The following MAPK12 variants were observed in gnomAD, a reference collection of about 807,000 sequenced individuals.
MAPK12 encodes MAP kinase 12.
Under a neutral mutation model 49.1 loss-of-function variants are expected in MAPK12, and 49 were observed. That is an observed-to-expected ratio of 1.00 (90% CI 0.79 to 1.27). The LOEUF is 1.27. Ranked by LOEUF, MAPK12 falls within the 50% of genes most tolerant of loss-of-function variation. The pLI is 0.00. For synonymous variants in MAPK12, 251 were observed against 209.7 expected, an observed-to-expected ratio of 1.20 and a Z score of -1.70; for missense variants, 554 against 502.4, an observed-to-expected ratio of 1.10 and a Z score of -0.98.
rs776533262 is a variant in MAPK12 at position 50,257,072 on chromosome 22, G to A, written c.426+10C>T. ...GCCTGCCTCCCTGCAGCCTCCCCCG[G>A]GGCCCGTACCCTCAGCCCCTTCAGC... On this transcript the variant is annotated intron_variant, in intron 4 of 11. Coordinates refer to ENST00000215659, the MANE Select transcript of MAPK12 (RefSeq NM_002969.6). 53 of 1,611,276 alleles carry A rather than the reference G, an allele frequency of 3.3e-5. No homozygotes were observed. The highest frequency in any genetic ancestry group is 4.3e-5 in the Non-Finnish European group (51 of 1,179,276).
At chr22:50,257,932 A>T (rs751745428) in intron 3 of MAPK12, 1 of 773,810 alleles carries the variant, frequency 1.3e-6, no homozygotes, top group South Asian at 1.4e-5. Flanking sequence ...CAGGGTCCCG[A>T]GCACGGGACC....
At chr22:50,258,097 C>G (rs2147259717) in intron 3 of MAPK12, 146 bp downstream of exon 3, 1 of 766,686 alleles carries the variant, frequency 1.3e-6, no homozygotes, top group Non-Finnish European at 2.3e-6. Flanking sequence ...GTGGGGTGGA[C>G]AGTGGTATGG....
At chr22:50,258,138 C>G (rs1401701256) in intron 3 of MAPK12, 105 bp downstream of exon 3, 2 of 1,061,076 alleles carry the variant, frequency 1.9e-6, no homozygotes, top group Non-Finnish European at 3.0e-6. Context: ...ATCCCCCACT[C>G]AGGCTGCAGG....
At chr22:50,258,489 G>A (rs1298708329) in intron 2 of MAPK12, among the ~76,000 whole-genome samples, 188 bp from the exon 3 acceptor site, 2 of 152,206 alleles carry the variant, frequency 1.3e-5, no homozygotes, top group East Asian at 3.8e-4. Flanking sequence ...CACTGGCAGT[G>A]TGGCCCAGCC....
chr22:50,254,626 T>C, intron 11 of MAPK12: 1 of 999,772 alleles, frequency 1.0e-6, no homozygotes. Flanking sequence ...CCCTCCAGCC[T>C]GGGCATCAGA....
chr22:50,260,619 G>A (rs1389993522), intron 2 of MAPK12, among the ~76,000 whole-genome samples: 1 of 152,174 alleles, frequency 6.6e-6, no homozygotes, highest in South Asian at 2.1e-4. Context: ...TCAAACAGCA[G>A]CTCCCTAAAC....
In MAPK12 at chr22:50,258,284, G is replaced by A. The variant is rs750170817; in HGVS notation, c.273C>T (p.Asp91=). 2.0e-5 allele frequency: 32 copies of A among 1,612,936 alleles called. No individual in the cohort carries two copies. The highest frequency in any genetic ancestry group is 1.6e-4 in the East Asian group (7 of 44,896). Residue 91 remains aspartate (D), a synonymous_variant, in exon 3 of 12, where the codon GAC becomes GAT. Transcript: ENST00000215659. ...CCAGGGTCTCATCAGGAGTGAATAC[G>A]TCCAGCAGCCCGATCACCTGGGGGG... ...MRHENVIGLL[D]VFTPDETLDD...
rs745760808 is a variant in MAPK12, at chr22:50,255,736, G to GGGCCCCCAC, written c.692-51_692-43dup. 28 of 1,608,766 alleles carry GGGCCCCCAC rather than the reference G, an allele frequency of 1.7e-5. No homozygotes were observed. The South Asian group carries it at 2.5e-4, about 15-fold the overall frequency. ...AACACAGCTCGGGGGCCAGAGATCA[G>GGGCCCCCAC]GGCCCCCACTGCCCCCACCTGGGCA... On this transcript the variant is annotated intron_variant, in intron 8 of 11. Coordinates refer to ENST00000215659, the MANE Select transcript of MAPK12 (RefSeq NM_002969.6).
rs754871509 is a variant in MAPK12 at position 50,257,190 on chromosome 22, G to A, written c.318C>T (p.Tyr106=). 5 of 1,611,700 alleles carry A rather than the reference G, an allele frequency of 3.1e-6. No homozygotes were observed. In the East Asian group the frequency reaches 8.9e-5, roughly 29 times the overall value. Residue 106 remains tyrosine, a synonymous_variant, in exon 4 of 12, where the codon TAC becomes TAT. Coordinates refer to ENST00000215659, the MANE Select transcript of MAPK12 (RefSeq NM_002969.6). ...DETLDDFTDF[Y]LVMPFMGTDL... is the part of the protein sequence containing the mutation. ...CGGTGCCCATGAACGGCATCACCAG[G>A]TAACTGTGGGAGGGGCCGGAGCGCT...
chr22:50,258,913 A>G (rs910829825), intron 2 of MAPK12, among the ~76,000 whole-genome samples: 3 of 152,218 alleles, frequency 2.0e-5, no homozygotes, highest in African/African-American at 7.2e-5. Flanking sequence ...GGGCACACAC[A>G]GAGTGGCCGA....
rs760278888 is a variant in MAPK12 at position 50,255,340 on chromosome 22, A to G, written c.881T>C (p.Leu294Pro). Residue 294 changes from leucine (L) to proline (P), a missense_variant, in exon 11 of 12, where the codon CTG becomes CCG. Physicochemically the swap from Leu to Pro is moderately conservative, Grantham distance 98. Coordinates refer to ENST00000215659, the MANE Select transcript of MAPK12 (RefSeq NM_002969.6). The stretch of plus-strand genomic sequence containing the variant: ...TGCCGTCACCCGCTGCTCCGCGTCC[A>G]GCACCAGCATCTTCTCCAGGAGGTT... ...AVNLLEKMLVLDAEQRVTAGE... is the reference protein window; with the variant it reads ...AVNLLEKMLVPDAEQRVTAGE... 1 of 1,613,496 alleles carries G rather than the reference A, an allele frequency of 6.2e-7. No homozygotes were observed. The highest frequency in any genetic ancestry group is 8.5e-7 in the Non-Finnish European group (1 of 1,179,980).
chr22:50,253,520 T>C, intron 11 of MAPK12, 40 bp from the exon 12 acceptor site: 2 of 831,470 alleles, frequency 2.4e-6, no homozygotes, highest in Admixed American at 2.0e-5. Context: ...GAGAGGGGGG[T>C]CAGCCTTTGC....
In MAPK12 at chr22:50,253,410, C is replaced by G; in HGVS notation, c.1095G>C (p.Thr365=). The G allele has an allele frequency of 6.5e-7, 1 of 1,545,218 alleles. No individual in the cohort carries two copies. Among genetic ancestry groups the G allele is most frequent in the Non-Finnish European group, 8.7e-7 (1 of 1,144,044 alleles). Residue 365 remains threonine (T), a synonymous_variant, in exon 12 of 12, where the codon ACG becomes ACC. Transcript: ENST00000215659. ...RQLGARVSKE[T]PL The stretch of plus-strand genomic sequence containing the variant: ...CGGAGCCCAGAGATCTTCACAGAGG[C>G]GTCTCCTTGGAGACCCTGGCCCCCA...
intron 3 of MAPK12, chr22:50,257,422 C>T: frequency 1.7e-6 from 1 of 580,214 alleles, no homozygotes; most frequent in Non-Finnish European, 3.1e-6. Flanking sequence ...ACACCCCCCT[C>T]CCACCCTGAG....
chr22:50,260,457 T>C (rs1324648127), intron 2 of MAPK12, among the ~76,000 whole-genome samples: 1 of 151,998 alleles, frequency 6.6e-6, no homozygotes, highest in African/African-American at 2.4e-5. Context: ...AGAGCACCCC[T>C]GGCAGAGAGA....
At chr22:50,253,502 G>GGGGGGGGGGCCCCCCCCCCCC in intron 11 of MAPK12, 22 bp from the exon 12 acceptor site, 2 of 171,650 alleles carry the variant, frequency 1.2e-5, no homozygotes, top group Admixed American at 1.1e-4. Flanking sequence ...GGGGGGGCGG[G>GGGGGGGGGGCCCCCCCCCCCC]CACAACAGAG....
At chr22:50,255,578 G>GCCCCCCCCCCCACCCCCCCCCCCCCCCCC in intron 9 of MAPK12, 37 bp downstream of exon 9, 1 of 1,582,032 alleles carries the variant, frequency 6.3e-7, no homozygotes, top group South Asian at 1.1e-5. Flanking sequence ...GCCCAGGTCC[G>GCCCCCCCCCCCACCCCCCCCCCCCCCCCC]CCCCCACCCC....
At chr22:50,256,815 G>C (rs1416602425) in intron 5 of MAPK12, 120 bp downstream of exon 5, 5 of 1,520,930 alleles carry the variant, frequency 3.3e-6, no homozygotes, top group Admixed American at 2.1e-5. Context: ...TTCCCACCAG[G>C]GGCTGTGCAT....
At chr22:50,258,468 G>A (rs1043125896) in intron 2 of MAPK12, among the ~76,000 whole-genome samples, 167 bp from the exon 3 acceptor site, 9 of 152,198 alleles carry the variant, frequency 5.9e-5, no homozygotes, top group African/African-American at 2.2e-4. Flanking sequence ...CCCAGCCCTG[G>A]CACACATACC....
Sources: allele counts gnomAD v4.1 joint callset (sites outside exome capture counted in the v4.1 genomes callset), GRCh38; gene constraint gnomAD v4.1.1; transcripts MANE v1.5; gene names NCBI Gene and HGNC (gene_info 2026-07-23, HGNC 2026-07-21).